RBM44: variants seen among roughly 807,000 people sequenced by gnomAD.
RBM44 encodes the protein RNA-binding protein 44.
A neutral mutation model predicts 105.1 loss-of-function variants in RBM44; 66 were observed. The observed-to-expected ratio is 0.63, with a 90% CI of 0.52 to 0.77. RBM44 has a LOEUF of 0.77. RBM44 is among the 30% of genes least tolerant of loss of function. RBM44 has a pLI of 0.00. For synonymous variants in RBM44, 365 were observed against 417.6 expected (o/e 0.87, Z 1.54); for missense variants, 1,122 against 1,207.8 (o/e 0.93, Z 1.05).
At chr2:237,838,054 T>C (rs2061977053) in intron 15 of RBM44, among the ~76,000 whole-genome samples, 2 of 152,192 alleles carry the variant, frequency 1.3e-5, no homozygotes, top group Middle Eastern at 3.2e-3. Flanking sequence ...AAGGAGTCAA[T>C]TGATGCAGCA....
At chr2:237,833,070 A>G (rs1461201071) in intron 13 of RBM44, among the ~76,000 whole-genome samples, 1 of 152,250 alleles carries the variant, frequency 6.6e-6, no homozygotes, top group African/African-American at 2.4e-5. Context: ...ACTGTCACTT[A>G]AACTATTGTA....
At chr2:237,812,660 CTTGATT>C (rs1187608864) in intron 1 of RBM44, among the ~76,000 whole-genome samples, 24 of 152,172 alleles carry the variant, frequency 1.6e-4, no homozygotes, top group African/African-American at 4.8e-4. Context: ...CTTTGTAACA[CTTGATT>C]AACAGAATTC....
chr2:237,808,499 G>A (rs1576497638), intron 1 of RBM44, among the ~76,000 whole-genome samples: 1 of 151,424 alleles, frequency 6.6e-6, no homozygotes, highest in African/African-American at 2.4e-5. Context: ...AAAAAACTAG[G>A]TAAAAATTCT....
At chr2:237,826,986 G>A (rs1248587834) in intron 10 of RBM44, among the ~76,000 whole-genome samples, 2 of 152,118 alleles carry the variant, frequency 1.3e-5, no homozygotes, top group Non-Finnish European at 2.9e-5. Flanking sequence ...TTGTTTAGAT[G>A]TAATTTATTC....
rs150454651 is a variant in RBM44, at chr2:237,813,652, T to C, written c.43T>C (p.Tyr15His). Residue 15 changes from tyrosine (Y) to histidine (H), a missense_variant, in exon 2 of 16, where the codon TAC becomes CAC. By Grantham distance (83) the Tyr-to-His change is moderately conservative. This residue lies in a region of RBM44 where 918 missense variants were observed against 955.3 expected (regional missense o/e 0.96). Transcript: ENST00000316997. ...AVVETASGKGYHSNGGNLQKD... is the reference protein window; with the variant it reads ...AVVETASGKGHHSNGGNLQKD... Reference sequence around the variant, plus strand: ...GGTGGAGACAGCATCTGGTAAAGGCTACCACAGTAATGGAGGCAACCTCCA... The same window carrying C: ...GGTGGAGACAGCATCTGGTAAAGGCCACCACAGTAATGGAGGCAACCTCCA... 1,257 of 1,611,574 alleles carry C rather than the reference T, an allele frequency of 7.8e-4. 6 individuals carry two copies. The African/African-American group carries it at 0.014, about 18-fold the overall frequency.
intron 12 of RBM44, among the ~76,000 whole-genome samples, chr2:237,827,952 T>TG (rs1302976343): frequency 1.3e-5 from 2 of 152,124 alleles, no homozygotes; most frequent in Non-Finnish European, 2.9e-5. Flanking sequence ...TTCACAGCAT[T>TG]GCTGTGAAAC....
chr2:237,801,941 T>G (rs1394779116), intron 1 of RBM44, among the ~76,000 whole-genome samples: 1 of 152,252 alleles, frequency 6.6e-6, no homozygotes, highest in Non-Finnish European at 1.5e-5. Context: ...GGTGAGAATT[T>G]TAGTTTTTAA....
At chr2:237,823,152 C>G (rs2061811564) in intron 8 of RBM44, among the ~76,000 whole-genome samples, 1 of 151,474 alleles carries the variant, frequency 6.6e-6, no homozygotes, top group African/African-American at 2.4e-5. Flanking sequence ...CAAAAATTAT[C>G]TCGATTACTT....
chr2:237,799,590 G>T (rs1282825010), intron 1 of RBM44, among the ~76,000 whole-genome samples: 1 of 152,112 alleles, frequency 6.6e-6, no homozygotes, highest in African/African-American at 2.4e-5. Context: ...ACAGGCGTGA[G>T]CCACCGCGCC....
rs373026993 is a variant in RBM44 at position 237,818,469 on chromosome 2, G to A, written c.1550G>A (p.Ser517Asn). Residue 517 changes from serine to asparagine, a missense_variant, in exon 3 of 16, where the codon AGT (serine) becomes AAT (asparagine). Ser to Asn is a conservative substitution (Grantham distance 46, BLOSUM62 1). Transcript: ENST00000316997. This position sits in a 1 kb window ranked among gnomAD's most constrained non-coding sequence, Gnocchi z 4.6. Reference sequence around the variant, plus strand: ...GAATGGCAAAATGAGAAACAAAAAAGTGTGGCTTGTAGTACAGATTGGTCA... The same window carrying A: ...GAATGGCAAAATGAGAAACAAAAAAATGTGGCTTGTAGTACAGATTGGTCA... ...PDEWQNEKQK[S>N]VACSTDWSYS... 27 of 1,612,882 alleles carry A rather than the reference G, an allele frequency of 1.7e-5. No homozygotes were observed. The highest frequency in any genetic ancestry group is 2.2e-5 in the Non-Finnish European group (26 of 1,179,404).
chr2:237,798,826 A>C lies in RBM44; in HGVS notation c.-54A>C, dbSNP rs1220079295. 6.5e-6 allele frequency: 1 copy of C among 152,936 alleles called. No individual in the cohort carries two copies. Among genetic ancestry groups the C allele is most frequent in the Non-Finnish European group, 1.5e-5 (1 of 68,558 alleles). The allele number at this position is 152,936 out of a possible 1,614,324, so 9.5% of individuals were successfully genotyped here. A position where few individuals can be genotyped will look rare whatever the true frequency, so the allele number is the denominator to read the frequency against. ...CGGAGAGCGGGGCGCTGGCCCGTGG[A>C]GGCGGCAGCGGCGGCGGCTTTCTAG... On this transcript the variant is annotated 5_prime_UTR_variant, in exon 1 of 16. Coordinates refer to ENST00000316997, the MANE Select transcript of RBM44 (RefSeq NM_001080504.3). The surrounding 1 kb of genome is among the most constrained non-coding windows in gnomAD (Gnocchi z 4.3).
intron 1 of RBM44, among the ~76,000 whole-genome samples, chr2:237,812,084 G>A (rs964446289): frequency 3.9e-5 from 6 of 152,114 alleles, no homozygotes; most frequent in Non-Finnish European, 5.9e-5. Context: ...TCGAACTCCT[G>A]AGCTCATGCA....
intron 2 of RBM44, among the ~76,000 whole-genome samples, chr2:237,814,728 A>C (rs2061695831): frequency 6.6e-6 from 1 of 152,186 alleles, no homozygotes; most frequent in East Asian, 1.9e-4. Context: ...ACTTCAGAAT[A>C]TGATAAAGAT....
intron 15 of RBM44, among the ~76,000 whole-genome samples, chr2:237,840,924 T>C (rs1408187951): frequency 1.3e-5 from 2 of 152,106 alleles, no homozygotes; most frequent in Non-Finnish European, 2.9e-5. Context: ...AAATAACAGA[T>C]GCTAACAAGG....
Position 237,827,517 on chromosome 2 carries a change from C to T in RBM44, c.2600+14C>T. ...TACTAATTACAGGTGTGTTTCCCAA[C>T]TTTAATCAATGTGCATTATTATGTG... On this transcript the variant is annotated intron_variant, in intron 12 of 15. Coordinates refer to ENST00000316997, the MANE Select transcript of RBM44 (RefSeq NM_001080504.3). The T allele has an allele frequency of 7.2e-7, 1 of 1,383,226 alleles. No homozygotes were observed. Among genetic ancestry groups the T allele is most frequent in the Non-Finnish European group, 1.0e-6 (1 of 1,000,448 alleles). The allele number at this position is 1,383,226 out of a possible 1,614,324, so 85.7% of individuals were successfully genotyped here.
intron 10 of RBM44, 149 bp from the exon 11 acceptor site, chr2:237,827,101 C>T (rs4663267): frequency 0.16 from 84,985 of 539,690 alleles, 8,444 homozygotes; most frequent in East Asian, 0.42. Context: ...TCTTAGTCCT[C>T]AGTCTAGAAG....
At chr2:237,837,059 G>A (rs2061967393) in intron 15 of RBM44, among the ~76,000 whole-genome samples, 1 of 152,006 alleles carries the variant, frequency 6.6e-6, no homozygotes, top group African/African-American at 2.4e-5. Flanking sequence ...TTAGAGGTTG[G>A]GTCTTACCAT....
At chr2:237,830,539 T>G (rs1027764905) in intron 13 of RBM44, among the ~76,000 whole-genome samples, 4 of 152,176 alleles carry the variant, frequency 2.6e-5, no homozygotes, top group Admixed American at 1.3e-4. Flanking sequence ...TAATCCAAGG[T>G]CACAGAGATT....
Position 237,833,981 on chromosome 2 carries a change from T to C in RBM44, c.2887-16T>C, listed in dbSNP as rs1442456419. On this transcript the variant is annotated splice_polypyrimidine_tract_variant and intron_variant, in intron 13 of 15. Transcript: ENST00000316997. ...TCCTTACTGATTTTAAGAAAACTTT[T>C]TAAATGCTTATTTAGGGTGTCAAGA... 2 of 1,470,062 alleles carry C rather than the reference T, an allele frequency of 1.4e-6. No individual in the cohort carries two copies. Among genetic ancestry groups the C allele is most frequent in the Non-Finnish European group, 1.8e-6 (2 of 1,100,342 alleles). The allele number at this position is 1,470,062 out of a possible 1,614,324, so 91.1% of individuals were successfully genotyped here. A position where few individuals can be genotyped will look rare whatever the true frequency, so the allele number is the denominator to read the frequency against.
Sources: gnomAD v4.1 joint callset for allele counts (sites outside exome capture counted in the v4.1 genomes callset) on GRCh38, gnomAD v4.1.1 for gene constraint, gnomAD v4.1.1 regional missense constraint, Gnocchi (gnomAD v3.1) non-coding constraint, MANE v1.5 for transcripts, NCBI Gene and HGNC (gene_info 2026-07-23, HGNC 2026-07-21) for gene names.